Variants in NRXN3 observed in about 807,000 individuals in gnomAD.
NRXN3 encodes neurexin 3.
Under a neutral mutation model 137.6 loss-of-function variants are expected in NRXN3, and 32 were observed. The ratio of observed to expected loss-of-function variants is 0.23; its 90% CI spans 0.18 to 0.31. NRXN3 has a LOEUF of 0.31. NRXN3 is among the 10% of genes least tolerant of loss of function. The pLI is 1.00. For synonymous variants in NRXN3, 798 were observed against 784.5 expected (o/e 1.02, Z -0.29); for missense variants, 1,574 against 2,062.5 (o/e 0.76, Z 4.59).
chr14:79,517,905 T>C (rs2097012538), intron 16 of NRXN3, among the ~76,000 whole-genome samples: 1 of 137,418 alleles, frequency 7.3e-6, no homozygotes, highest in African/African-American at 2.8e-5. Flanking sequence ...CCTTTTTTTT[T>C]TTTTTTTTTT....
intron 4 of NRXN3, among the ~76,000 whole-genome samples, chr14:78,587,396 C>T (rs111619235): frequency 3.3e-5 from 5 of 152,136 alleles, no homozygotes; most frequent in South Asian, 2.1e-4. Context: ...TGGAATCAAC[C>T]GTTTTTAATG....
At chr14:78,683,303 T>C (rs1209965346) in intron 6 of NRXN3, among the ~76,000 whole-genome samples, 1 of 152,236 alleles carries the variant, frequency 6.6e-6, no homozygotes, top group Non-Finnish European at 1.5e-5. Context: ...TATTGGACAT[T>C]ATTCTAGAGA....
chr14:79,203,267 T>A (rs2066317892), intron 15 of NRXN3, among the ~76,000 whole-genome samples: 1 of 152,210 alleles, frequency 6.6e-6, no homozygotes, highest in South Asian at 2.1e-4. Context: ...CATATGACAT[T>A]TTTCATTTGT....
chr14:78,958,445 T>C (rs953612014), intron 11 of NRXN3, among the ~76,000 whole-genome samples: 1 of 151,416 alleles, frequency 6.6e-6, no homozygotes, highest in African/African-American at 2.4e-5. Flanking sequence ...AAGCTCTGCC[T>C]CCCGGGTTCA....
intron 15 of NRXN3, among the ~76,000 whole-genome samples, chr14:79,093,863 C>A (rs1203039441): frequency 6.6e-6 from 1 of 151,852 alleles, no homozygotes; most frequent in Non-Finnish European, 1.5e-5. Context: ...GGCTTTAGTT[C>A]AGAACTGACG....
chr14:79,679,556 C>T (rs2098658856), intron 17 of NRXN3, among the ~76,000 whole-genome samples: 1 of 152,046 alleles, frequency 6.6e-6, no homozygotes, highest in South Asian at 2.1e-4. Context: ...TAGTTGTCAA[C>T]TTTTTGAGTA....
intron 4 of NRXN3, among the ~76,000 whole-genome samples, chr14:78,380,930 A>G (rs1318162081): frequency 1.3e-5 from 2 of 152,192 alleles, no homozygotes; most frequent in African/African-American, 4.8e-5. Flanking sequence ...TAGATACAGT[A>G]ATCAAGACTG....
intron 4 of NRXN3, among the ~76,000 whole-genome samples, chr14:78,471,819 A>C (rs761487793): frequency 1.2e-4 from 18 of 152,122 alleles, no homozygotes; most frequent in Admixed American, 5.2e-4. Context: ...GCAAAGGGAC[A>C]CTCTATTGCT....
chr14:78,794,237 C>T (rs1424940639), intron 8 of NRXN3, among the ~76,000 whole-genome samples: 2 of 151,984 alleles, frequency 1.3e-5, no homozygotes, highest in African/African-American at 4.8e-5. Context: ...CAAAAATTAG[C>T]CGGGTGTGGT....
At chr14:79,694,006 A>G (rs1352944935) in intron 18 of NRXN3, among the ~76,000 whole-genome samples, 1 of 151,984 alleles carries the variant, frequency 6.6e-6, no homozygotes, top group Non-Finnish European at 1.5e-5. Context: ...CTTCAAAAGG[A>G]ATAAAATATA....
In NRXN3 at chr14:78,875,552, T is replaced by C. The variant is rs573618002; in HGVS notation, c.2275+65208T>C. Among the ~76,000 whole-genome samples, 31 of 152,322 alleles carry C rather than the reference T, an allele frequency of 2.0e-4. No homozygotes were observed. In the South Asian group the frequency reaches 6.2e-3, roughly 30 times the overall value. Reference sequence around the variant, plus strand: ...AAATTATAGAATATATGGTACCCTGTTGGGAATTTATACTAAAGGATTTTG... The same window carrying C: ...AAATTATAGAATATATGGTACCCTGCTGGGAATTTATACTAAAGGATTTTG... On this transcript the variant is annotated intron_variant, in intron 10 of 20. Transcript: ENST00000335750.
intron 15 of NRXN3, among the ~76,000 whole-genome samples, chr14:79,013,514 A>G (rs531644060): frequency 1.3e-5 from 2 of 152,312 alleles, no homozygotes; most frequent in South Asian, 4.1e-4. Flanking sequence ...CTTCTCCCAG[A>G]GAAGCTTTTG....
At chr14:78,572,801 G>A (rs75839424) in intron 4 of NRXN3, among the ~76,000 whole-genome samples, 3,292 of 152,280 alleles carry the variant, frequency 0.022, 39 homozygotes, top group Non-Finnish European at 0.025. Flanking sequence ...TTCAGCCCAT[G>A]AGCACATGGT....
At chr14:79,256,854 AGTGTGT>A (rs888412601) in intron 15 of NRXN3, among the ~76,000 whole-genome samples, 3 of 151,878 alleles carry the variant, frequency 2.0e-5, no homozygotes, top group Admixed American at 2.0e-4. Flanking sequence ...CAATGTTTAA[AGTGTGT>A]GTGTGTGTAT....
At chr14:78,626,811 T>C (rs902888765) in intron 4 of NRXN3, among the ~76,000 whole-genome samples, 36 of 152,348 alleles carry the variant, frequency 2.4e-4, no homozygotes, top group African/African-American at 8.4e-4. Context: ...CACTGAGGCC[T>C]AGAGCACTCT....
chr14:78,625,391 A>C (rs1566919940), intron 4 of NRXN3, among the ~76,000 whole-genome samples: 1 of 152,260 alleles, frequency 6.6e-6, no homozygotes. Context: ...ATGCTTTTGC[A>C]AGAGCATCCA....
At chr14:78,387,538 C>T (rs566350213) in intron 4 of NRXN3, among the ~76,000 whole-genome samples, 2 of 152,148 alleles carry the variant, frequency 1.3e-5, no homozygotes, top group South Asian at 4.1e-4. Flanking sequence ...TAAAGCATTG[C>T]TACATGTGAA....
chr14:78,496,699 G>A (rs576892446), intron 4 of NRXN3, among the ~76,000 whole-genome samples: 22 of 152,128 alleles, frequency 1.4e-4, no homozygotes, highest in Admixed American at 1.2e-3. Context: ...ATACCAAGCT[G>A]AGCAGGGTAA....
At chr14:78,240,287 C>T (rs995985174) in intron 1 of NRXN3, among the ~76,000 whole-genome samples, 4 of 152,158 alleles carry the variant, frequency 2.6e-5, no homozygotes, top group Admixed American at 1.3e-4. Context: ...CTGAGAATGA[C>T]CCTGCATGGC....
Sources: gnomAD v4.1 joint callset for allele counts (sites outside exome capture counted in the v4.1 genomes callset) on GRCh38, gnomAD v4.1.1 for gene constraint, MANE v1.5 for transcripts, NCBI Gene and HGNC (gene_info 2026-07-23, HGNC 2026-07-21) for gene names.